ZCCHC8: variants seen among roughly 807,000 people sequenced by gnomAD.
ZCCHC8 encodes zinc finger CCHC-type containing 8, also known as zinc finger CCHC domain-containing protein 8.
ZCCHC8 carries 27 observed loss-of-function variants against 70.6 expected under a neutral mutation model. The observed-to-expected ratio is 0.38, with a 90% CI of 0.28 to 0.53. The LOEUF (loss-of-function observed/expected upper bound fraction) is 0.53. Ranked by LOEUF, ZCCHC8 falls within the 20% of genes least tolerant of loss-of-function variation. ZCCHC8 has a pLI of 0.81. For synonymous variants in ZCCHC8, 293 were observed against 317.4 expected (o/e 0.92, Z 0.82); for missense variants, 737 against 876.9 (o/e 0.84, Z 2.01).
At chr12:122,490,657 T>G (rs1957727819) in intron 3 of ZCCHC8, 90 bp from the exon 4 acceptor site, 3 of 698,816 alleles carry the variant, frequency 4.3e-6, no homozygotes, top group Non-Finnish European at 6.8e-6. Flanking sequence ...ATTTCAAGTG[T>G]GAATGTTGTT....
chr12:122,478,979 G>T (rs140187367), intron 11 of ZCCHC8, among the ~76,000 whole-genome samples: 1 of 152,182 alleles, frequency 6.6e-6, no homozygotes, highest in African/African-American at 2.4e-5. Flanking sequence ...ACAGTCTTGC[G>T]TGATTGAGAA....
chr12:122,495,847 C>CAAAA (rs538311699), intron 2 of ZCCHC8, among the ~76,000 whole-genome samples: 46 of 78,312 alleles, frequency 5.9e-4, no homozygotes, highest in East Asian at 8.3e-4. Flanking sequence ...CACTCTGTCT[C>CAAAA]AAAAAAAAAA....
chr12:122,480,194 G>C lies in ZCCHC8; in HGVS notation c.1136C>G (p.Pro379Arg). The stretch of plus-strand genomic sequence containing the variant: ...TAAAAAAATCAATATACTTACGTCT[G>C]GAATTCCTCTGGGAGTAGATATATT... Reference protein sequence around the residue: ...GFNISTPRGIPDEWRIFGSIP... With the variant: ...GFNISTPRGIRDEWRIFGSIP... The change falls in exon 11 of 14, where the codon CCA becomes CGA. Residue 379 changes from proline (P) to arginine (R), a missense_variant. Pro to Arg is a moderately radical substitution (Grantham distance 103, BLOSUM62 -2). Transcript: ENST00000633063. 1 of 1,576,712 alleles carries C rather than the reference G, an allele frequency of 6.3e-7. No individual in the cohort carries two copies. The highest frequency in any genetic ancestry group is 8.7e-7 in the Non-Finnish European group (1 of 1,154,242).
At chr12:122,496,156 G>A (rs1325627095) in intron 2 of ZCCHC8, among the ~76,000 whole-genome samples, 1 of 116,608 alleles carries the variant, frequency 8.6e-6, no homozygotes. Flanking sequence ...GACAGAGTGA[G>A]AAATTGTCTC....
intron 4 of ZCCHC8, among the ~76,000 whole-genome samples, chr12:122,490,183 T>C (rs1295199634): frequency 6.6e-6 from 1 of 152,200 alleles, no homozygotes; most frequent in African/African-American, 2.4e-5. Flanking sequence ...GGAATCCATC[T>C]TTTATAAACC....
chr12:122,479,192 C>T (rs565513085), intron 11 of ZCCHC8, among the ~76,000 whole-genome samples: 1 of 152,370 alleles, frequency 6.6e-6, no homozygotes, highest in Admixed American at 6.5e-5. Flanking sequence ...TCTTCTGCTT[C>T]AGCCTCCTGA....
Position 122,483,331 on chromosome 12 carries a change from A to G in ZCCHC8, c.619T>C (p.Phe207Leu). The G allele has an allele frequency of 6.3e-7, 1 of 1,598,638 alleles. No homozygotes were observed. The highest frequency in any genetic ancestry group is 1.1e-5 in the South Asian group (1 of 88,242). ...CCTTCTAGAGAAACAATGTGGCTGA[A>G]GACTTGATGGTACCTTTAGTGAATT... ...GWEIPKYHQV[F>L]SHIVSLEGQE... The change falls in exon 7 of 14, where the codon TTC becomes CTC. Residue 207 changes from phenylalanine to leucine, a missense_variant. Transcript: ENST00000633063. This position sits in a 1 kb window ranked among gnomAD's most constrained non-coding sequence, Gnocchi z 4.4.
chr12:122,482,848 C>G, intron 7 of ZCCHC8, 153 bp from the exon 8 acceptor site: 2 of 631,968 alleles, frequency 3.2e-6, no homozygotes, highest in Non-Finnish European at 5.5e-6. Context: ...ACACTTTAAT[C>G]TCCTTTATTT....
chr12:122,491,722 G>A (rs903503237), intron 3 of ZCCHC8, among the ~76,000 whole-genome samples: 10 of 151,958 alleles, frequency 6.6e-5, no homozygotes, highest in African/African-American at 2.4e-4. Flanking sequence ...CAGCTACGTG[G>A]GAGGCTGCGG....
intron 2 of ZCCHC8, among the ~76,000 whole-genome samples, chr12:122,497,041 G>A (rs1957836212): frequency 1.3e-5 from 2 of 152,116 alleles, no homozygotes; most frequent in East Asian, 1.9e-4. Flanking sequence ...CAGCTACTCA[G>A]GAGGCTGAGG....
rs762392385 is a variant in ZCCHC8, at chr12:122,486,412, C to CAA, written c.502-2851_502-2850dup. 2.2e-3 allele frequency among the ~76,000 whole-genome samples: 110 copies of CAA among 50,846 alleles called. 3 individuals carry two copies. Among genetic ancestry groups the CAA allele is most frequent in the Admixed American group, 0.017 (62 of 3,662 alleles). The allele number at this position is 50,846 out of a possible 152,430, so 33.4% of individuals were successfully genotyped here. ...TGGGTGACAGAGCGAGAGGCTGTCTCAAAAAAAAAAAAAAAAAAAAAAAAA... is the reference window on the plus strand; with the variant it reads ...TGGGTGACAGAGCGAGAGGCTGTCTCAAAAAAAAAAAAAAAAAAAAAAAAAAA... On this transcript the variant is annotated intron_variant, in intron 5 of 13. Transcript: ENST00000633063.
intron 3 of ZCCHC8, chr12:122,492,279 G>A (rs1374576654): frequency 5.8e-6 from 1 of 171,240 alleles, no homozygotes; most frequent in Non-Finnish European, 1.2e-5. Flanking sequence ...AATCAAGTGA[G>A]TAGGCTTTGA....
Position 122,481,982 on chromosome 12 carries a change from C to G in ZCCHC8, c.838G>C (p.Glu280Gln). ...FQQRYHAEEV[E>Q]ERFGRFKPGV... ...GGCTTGAATCTTCCAAATCTTTCTT[C>G]TACTTCTTCTGCGTGGTATCGCTGC... Residue 280 changes from glutamate to glutamine, a missense_variant, in exon 9 of 14, where the codon GAA becomes CAA. Glu to Gln is a conservative substitution (Grantham distance 29, BLOSUM62 2). Transcript: ENST00000633063. The G allele has an allele frequency of 1.2e-6, 2 of 1,613,466 alleles. No individual in the cohort carries two copies. Among genetic ancestry groups the G allele is most frequent in the Non-Finnish European group, 1.7e-6 (2 of 1,179,714 alleles).
chr12:122,496,545 G>A (rs1957828392), intron 2 of ZCCHC8, among the ~76,000 whole-genome samples: 1 of 152,102 alleles, frequency 6.6e-6, no homozygotes, highest in African/African-American at 2.4e-5. Context: ...TAAAAATTAT[G>A]ACTTTTATGA....
chr12:122,498,472 A>G (rs975338025), intron 2 of ZCCHC8, among the ~76,000 whole-genome samples: 46 of 152,110 alleles, frequency 3.0e-4, no homozygotes, highest in African/African-American at 1.0e-3. Flanking sequence ...AATTACAGGC[A>G]TGAGCCACCA....
At chr12:122,482,996 G>A in intron 7 of ZCCHC8, 1 of 521,630 alleles carries the variant, frequency 1.9e-6, no homozygotes, top group Non-Finnish European at 3.4e-6. Context: ...TTTCCGTTAG[G>A]TAACATGGAA....
At chr12:122,476,810 G>GTCA (rs1255875421) in intron 13 of ZCCHC8, among the ~76,000 whole-genome samples, 1 of 152,020 alleles carries the variant, frequency 6.6e-6, no homozygotes, top group Non-Finnish European at 1.5e-5. Flanking sequence ...ATCACCTGAG[G>GTCA]TCAGGAGCTC....
chr12:122,479,682 C>CT (rs1957492402), intron 11 of ZCCHC8, among the ~76,000 whole-genome samples: 1 of 152,172 alleles, frequency 6.6e-6, no homozygotes, highest in Non-Finnish European at 1.5e-5. Context: ...TCTAACCAAT[C>CT]TATTTTGGCT....
At chr12:122,495,822 T>C (rs1250271046) in intron 2 of ZCCHC8, among the ~76,000 whole-genome samples, 1 of 114,824 alleles carries the variant, frequency 8.7e-6, no homozygotes, top group East Asian at 2.7e-4. Flanking sequence ...CACTACAGCC[T>C]GGGCGATAGA....
Sources: allele counts gnomAD v4.1 joint callset (sites outside exome capture counted in the v4.1 genomes callset), GRCh38; gene constraint gnomAD v4.1.1; non-coding constraint Gnocchi (gnomAD v3.1); transcripts MANE v1.5; gene names NCBI Gene and HGNC (gene_info 2026-07-23, HGNC 2026-07-21).